ADGRL2: variants seen among roughly 807,000 people sequenced by gnomAD.
The protein encoded by ADGRL2 is adhesion G protein-coupled receptor L2, also known as calcium-independent alpha-latrotoxin receptor 2.
In ADGRL2, 44 loss-of-function variants were observed where a neutral mutation model predicts 157.4. The ratio of observed to expected loss-of-function variants is 0.28; its 90% CI spans 0.22 to 0.36. ADGRL2 has a LOEUF of 0.36. Ranked by LOEUF, ADGRL2 falls within the 10% of genes least tolerant of loss-of-function variation. The pLI is 1.00. For synonymous variants in ADGRL2, 585 were observed against 624.7 expected (o/e 0.94, Z 0.95); for missense variants, 1,510 against 1,768.9 (o/e 0.85, Z 2.63).
chr1:81,830,219 T>TA (rs1406055011), intron 1 of ADGRL2, among the ~76,000 whole-genome samples: 1 of 151,976 alleles, frequency 6.6e-6, no homozygotes. Flanking sequence ...ATACAGAAGG[T>TA]AAAAAAAATT....
chr1:81,628,833 G>A (rs978213170), intron 3 of ADGRL2, among the ~76,000 whole-genome samples: 4 of 152,078 alleles, frequency 2.6e-5, no homozygotes, highest in Non-Finnish European at 5.9e-5. Context: ...ATCTAAAGTT[G>A]TTTTACTTTA....
At chr1:81,376,254 C>T (rs1415734292) in intron 1 of ADGRL2, among the ~76,000 whole-genome samples, 1 of 152,194 alleles carries the variant, frequency 6.6e-6, no homozygotes, top group Non-Finnish European at 1.5e-5. Context: ...AGGCATTTTC[C>T]CAGCTGCCTG....
intron 19 of ADGRL2, among the ~76,000 whole-genome samples, chr1:81,983,460 C>T (rs543586966): frequency 1.3e-4 from 19 of 151,972 alleles, no homozygotes; most frequent in African/African-American, 3.4e-4. Context: ...AATGTAAGTG[C>T]GCTTAGATTT....
intron 1 of ADGRL2, among the ~76,000 whole-genome samples, chr1:81,412,455 C>T (rs1226992307): frequency 6.6e-6 from 1 of 152,182 alleles, no homozygotes; most frequent in Non-Finnish European, 1.5e-5. Context: ...TTAATGTTAG[C>T]TTCCCCAGAT....
At position 81,981,826 on chromosome 1, in the gene ADGRL2, T is replaced by C. The variant is rs201304382; in HGVS notation, c.3132T>C (p.Ala1044=). Residue 1044 remains alanine (A), a synonymous_variant, in exon 19 of 24, where the codon GCT becomes GCC. Coordinates refer to ENST00000686636, the MANE Select transcript of ADGRL2 (RefSeq NM_001366006.2). ...LENIKSWVLG[A]FALLCLLGLT... The stretch of plus-strand genomic sequence containing the variant: ...TTTCCAGGTCTTGGGTGCTTGGCGC[T>C]TTCGCTCTTCTGTGTCTTCTTGGCC... 2.9e-4 allele frequency: 465 copies of C among 1,608,710 alleles called. 9 individuals carry two copies. The East Asian group carries it at 0.01, about 36-fold the overall frequency.
intron 1 of ADGRL2, among the ~76,000 whole-genome samples, chr1:81,834,175 C>T (rs940333794): frequency 5.9e-5 from 9 of 152,136 alleles, no homozygotes; most frequent in African/African-American, 2.2e-4. Context: ...CTCTACCCTC[C>T]CAGTTCCTCC....
At chr1:81,309,361 C>T (rs1461873326) in intron 1 of ADGRL2, among the ~76,000 whole-genome samples, 2 of 152,088 alleles carry the variant, frequency 1.3e-5, no homozygotes, top group African/African-American at 4.8e-5. Context: ...ACCATCATCC[C>T]CATTTCAAAG....
chr1:81,981,496 C>G (rs1049539378), intron 18 of ADGRL2, among the ~76,000 whole-genome samples: 1 of 151,854 alleles, frequency 6.6e-6, no homozygotes, highest in Non-Finnish European at 1.5e-5. Context: ...TCCTTAATTT[C>G]TTTTATCAAA....
chr1:81,987,798 T>A (rs926780242), intron 22 of ADGRL2, 71 bp from the exon 23 acceptor site: 12 of 266,800 alleles, frequency 4.5e-5, no homozygotes, highest in African/African-American at 2.8e-4. Flanking sequence ...CTTAAAATTA[T>A]TTTTTAATGT....
chr1:81,347,398 CA>C (rs891621745), intron 1 of ADGRL2, among the ~76,000 whole-genome samples: 41 of 141,548 alleles, frequency 2.9e-4, no homozygotes, highest in South Asian at 6.8e-4. Context: ...GAGACTGTTT[CA>C]AAAAAAAAAA....
At chr1:81,670,992 G>A (rs1570789757) in intron 3 of ADGRL2, among the ~76,000 whole-genome samples, 1 of 152,202 alleles carries the variant, frequency 6.6e-6, no homozygotes, top group Non-Finnish European at 1.5e-5. Flanking sequence ...CTACAGGCTT[G>A]AGCCGTCACA....
chr1:81,830,861 A>G (rs1234467571), intron 1 of ADGRL2, among the ~76,000 whole-genome samples: 1 of 152,152 alleles, frequency 6.6e-6, no homozygotes, highest in African/African-American at 2.4e-5. Flanking sequence ...AGATTACCTC[A>G]TTACCTCTAA....
intron 2 of ADGRL2, among the ~76,000 whole-genome samples, chr1:81,540,270 T>C (rs2079850130): frequency 6.6e-6 from 1 of 152,232 alleles, no homozygotes; most frequent in African/African-American, 2.4e-5. Context: ...ATTCCAATTT[T>C]ATAAAGTAAG....
chr1:81,979,428 A>T (rs1661049270), intron 17 of ADGRL2, among the ~76,000 whole-genome samples: 1 of 151,740 alleles, frequency 6.6e-6, no homozygotes, highest in Admixed American at 6.6e-5. Context: ...GACAGATGTT[A>T]TTATCCTCAT....
At chr1:81,902,734 A>T (rs1458178052) in intron 2 of ADGRL2, among the ~76,000 whole-genome samples, 2 of 152,206 alleles carry the variant, frequency 1.3e-5, no homozygotes, top group African/African-American at 4.8e-5. Flanking sequence ...ACCCATTCCC[A>T]TCATGGCCAC....
chr1:81,555,928 C>G (rs1009927472), intron 2 of ADGRL2, among the ~76,000 whole-genome samples: 1 of 152,050 alleles, frequency 6.6e-6, no homozygotes, highest in African/African-American at 2.4e-5. Context: ...TGTCTGCCCC[C>G]ATTAAACTGA....
At chr1:81,439,195 G>A (rs1222499966) in intron 1 of ADGRL2, among the ~76,000 whole-genome samples, 10 of 151,934 alleles carry the variant, frequency 6.6e-5, no homozygotes, top group Non-Finnish European at 1.2e-4. Context: ...ATGGACAACC[G>A]CTTTGCAAGC....
At position 81,857,782 on chromosome 1, in the gene ADGRL2, A is replaced by G. The variant is rs1262260938; in HGVS notation, c.73+20725A>G. Among the ~76,000 whole-genome samples, 4 of 152,362 alleles carry G rather than the reference A, an allele frequency of 2.6e-5. No individual in the cohort carries two copies. The East Asian group carries it at 7.7e-4, about 29-fold the overall frequency. ...GACAATATTAAATAAATTATTGGAT[A>G]CATGAAGACATTTTTAAAAATCCAT... On this transcript the variant is annotated intron_variant, in intron 2 of 23. Coordinates refer to ENST00000686636, the MANE Select transcript of ADGRL2 (RefSeq NM_001366006.2).
chr1:81,679,618 C>A (rs1401550575), intron 3 of ADGRL2, among the ~76,000 whole-genome samples: 2 of 152,166 alleles, frequency 1.3e-5, no homozygotes, highest in African/African-American at 4.8e-5. Context: ...GGCCCTGGAA[C>A]CTTAGCCTAG....
Sources: allele counts gnomAD v4.1 joint callset (sites outside exome capture counted in the v4.1 genomes callset), GRCh38; gene constraint gnomAD v4.1.1; transcripts MANE v1.5; gene names NCBI Gene and HGNC (gene_info 2026-07-23, HGNC 2026-07-21).